The following TTC19 variants were observed in gnomAD, a reference collection of about 807,000 sequenced individuals.
The protein encoded by TTC19 is tetratricopeptide repeat domain 19.
In TTC19, 38 loss-of-function variants were observed where a neutral mutation model predicts 49.5. The ratio of observed to expected loss-of-function variants is 0.77; its 90% CI spans 0.59 to 1.01. The LOEUF (loss-of-function observed/expected upper bound fraction) is 1.01. Ranked by LOEUF, TTC19 falls within the 50% of genes least tolerant of loss-of-function variation. The pLI is 0.00. For synonymous variants in TTC19, 204 were observed against 185.2 expected (o/e 1.10, Z -0.83); for missense variants, 475 against 477.7 (o/e 0.99, Z 0.05).
chr17:16,007,336 TAAC>T (rs1241225340), intron 7 of TTC19, among the ~76,000 whole-genome samples: 2 of 152,100 alleles, frequency 1.3e-5, no homozygotes, highest in Non-Finnish European at 2.9e-5. Context: ...AGTAAGAGAT[TAAC>T]AACAATAACT....
Position 16,027,755 on chromosome 17 carries a change from T to C in TTC19, c.*233T>C, listed in dbSNP as rs1299414530. 8.4e-6 allele frequency: 5 copies of C among 593,868 alleles called. No individual in the cohort carries two copies. Among genetic ancestry groups the C allele is most frequent in the Non-Finnish European group, 1.3e-5 (4 of 316,996 alleles). The allele number at this position is 593,868 out of a possible 1,614,324, so 36.8% of individuals were successfully genotyped here. On this transcript the variant is annotated 3_prime_UTR_variant, in exon 10 of 10. Transcript: ENST00000261647. ...TTTCAGGATGTCGTCAAGTGATGCT[T>C]TCAGTTGTAACACGTGACTTGGTGC...
chr17:16,016,752 T>A (rs535641171), intron 7 of TTC19, among the ~76,000 whole-genome samples: 1 of 152,238 alleles, frequency 6.6e-6, no homozygotes, highest in African/African-American at 2.4e-5. Context: ...GAGATCGGGT[T>A]TCACCATGTT....
At chr17:16,017,952 T>G (rs2151668917) in intron 7 of TTC19, among the ~76,000 whole-genome samples, 1 of 152,184 alleles carries the variant, frequency 6.6e-6, no homozygotes, top group South Asian at 2.1e-4. Flanking sequence ...GTATAAGGAG[T>G]AACCTAAACA....
chr17:16,032,245 C>A, downstream of TTC19: 1 of 1,494,730 alleles, frequency 6.7e-7, no homozygotes, highest in Non-Finnish European at 8.9e-7. Flanking sequence ...AATTAAACCA[C>A]AAAAACTAGA....
rs935889124 is a variant in TTC19 at position 16,027,270 on chromosome 17, C to G, written c.995-104C>G. 49 of 1,358,400 alleles carry G rather than the reference C, an allele frequency of 3.6e-5. No homozygotes were observed. The South Asian group carries it at 5.9e-4, about 16-fold the overall frequency. The allele number at this position is 1,358,400 out of a possible 1,614,324, so 84.1% of individuals were successfully genotyped here. On this transcript the variant is annotated intron_variant, in intron 9 of 9. Coordinates refer to ENST00000261647, the MANE Select transcript of TTC19 (RefSeq NM_017775.4). ...CAGCACCAGCTTGTCGCTTCATAAG[C>G]ACACAGTAAATTAGCCCTATATCTG... is the stretch of plus-strand genomic sequence containing the variant.
chr17:16,019,652 A>G (rs1033008422), intron 7 of TTC19, among the ~76,000 whole-genome samples: 5 of 152,218 alleles, frequency 3.3e-5, no homozygotes, highest in Admixed American at 2.0e-4. Flanking sequence ...TGGTTCCCTC[A>G]CTACAACCAT....
At chr17:16,016,722 T>C (rs1215456616) in intron 7 of TTC19, among the ~76,000 whole-genome samples, 1 of 152,088 alleles carries the variant, frequency 6.6e-6, no homozygotes, top group African/African-American at 2.4e-5. Flanking sequence ...TGCATCTGGC[T>C]AATTTTTGTA....
chr17:16,016,093 T>G (rs1971205466), intron 7 of TTC19, among the ~76,000 whole-genome samples: 1 of 152,238 alleles, frequency 6.6e-6, no homozygotes, highest in African/African-American at 2.4e-5. Flanking sequence ...CCCTTTTTTC[T>G]GGTCCCTTAG....
intron 7 of TTC19, among the ~76,000 whole-genome samples, chr17:16,020,670 T>G (rs2151672867): frequency 6.6e-6 from 1 of 152,012 alleles, no homozygotes; most frequent in South Asian, 2.1e-4. Flanking sequence ...TTTCCCCCAC[T>G]ACCCCCCACC....
intron 7 of TTC19, among the ~76,000 whole-genome samples, chr17:16,016,368 TTTTA>T (rs1971216262): frequency 6.6e-6 from 1 of 152,152 alleles, no homozygotes; most frequent in Non-Finnish European, 1.5e-5. Flanking sequence ...CTGTGCTTGA[TTTTA>T]TTTATTGAGA....
chr17:16,010,036 C>G (rs1971019756), intron 7 of TTC19, among the ~76,000 whole-genome samples: 1 of 151,482 alleles, frequency 6.6e-6, no homozygotes, highest in Admixed American at 6.6e-5. Flanking sequence ...TTATATTTTT[C>G]TTTTTAATTT....
At chr17:16,014,819 T>A (rs1971168277) in intron 7 of TTC19, among the ~76,000 whole-genome samples, 2 of 152,182 alleles carry the variant, frequency 1.3e-5, no homozygotes, top group South Asian at 4.1e-4. Flanking sequence ...TTCCCCACCC[T>A]TTATAAAATT....
intron 2 of TTC19, among the ~76,000 whole-genome samples, chr17:16,001,571 A>G (rs1363234386): frequency 6.6e-6 from 1 of 152,154 alleles, no homozygotes; most frequent in Non-Finnish European, 1.5e-5. Context: ...ATTAGTTGTA[A>G]TTAAGCTTAC....
intron 2 of TTC19, among the ~76,000 whole-genome samples, chr17:16,041,471 TG>T: frequency 7.3e-6 from 1 of 136,308 alleles, no homozygotes; most frequent in African/African-American, 2.8e-5. Flanking sequence ...TGGAGTGCAA[TG>T]GCGTGATCTA....
Position 16,027,876 on chromosome 17 carries a change from GT to G in TTC19, c.*359del, listed in dbSNP as rs1971631402. Reference sequence around the variant, plus strand: ...ATTCAGCCTGGCATTTCTACCATAAGTTTTTGGTCTGCTGATTTGCTGCCCT... The same window carrying G: ...ATTCAGCCTGGCATTTCTACCATAAGTTTTGGTCTGCTGATTTGCTGCCCT... On this transcript the variant is annotated 3_prime_UTR_variant, in exon 10 of 10. Coordinates refer to ENST00000261647, the MANE Select transcript of TTC19 (RefSeq NM_017775.4). 4.3e-6 allele frequency: 2 copies of G among 466,298 alleles called. No individual in the cohort carries two copies. Among genetic ancestry groups the G allele is most frequent in the South Asian group, 1.5e-5 (1 of 64,616 alleles). The allele number at this position is 466,298 out of a possible 1,614,324, so 28.9% of individuals were successfully genotyped here.
At chr17:16,034,809 C>T (rs1401344163) in intron 2 of TTC19, 1 of 1,614,032 alleles carries the variant, frequency 6.2e-7, no homozygotes, top group Non-Finnish European at 8.5e-7. Flanking sequence ...TGGCGTCTGC[C>T]TATGGTAATC....
chr17:16,040,410 G>C, intron 2 of TTC19: 1 of 1,602,782 alleles, frequency 6.2e-7, no homozygotes, highest in Non-Finnish European at 8.5e-7. Context: ...TGCCAATTTT[G>C]TATTGGTAAA....
In TTC19 at chr17:16,028,921, G is replaced by A. The variant is rs1291604692; in HGVS notation, c.*1399G>A. ...GGGATTAGACTAAAACTAGAGTTTT[G>A]TATGTTGCAGATGTAAATTTCTTCC... On this transcript the variant is annotated 3_prime_UTR_variant, in exon 10 of 10. Coordinates refer to ENST00000261647, the MANE Select transcript of TTC19 (RefSeq NM_017775.4). The A allele has an allele frequency of 2.4e-6, 1 of 418,024 alleles. No individual in the cohort carries two copies. The allele number at this position is 418,024 out of a possible 1,614,324, so 25.9% of individuals were successfully genotyped here.
At position 16,002,011 on chromosome 17, in the gene TTC19, T is replaced by TACACTTATGATTTGGTAACTCTTATA; in HGVS notation, c.412_423+14dup. On this transcript the variant is annotated frameshift_variant, in exon 3 of 10. Transcript: ENST00000261647. LOFTEE classifies it high-confidence loss of function. The stretch of plus-strand genomic sequence containing the variant: ...GACTGATAACAAGAAGGCCATCACT[T>TACACTTATGATTTGGTAACTCTTATA]ACACTTATGATTTGGTAACTCTTAT... 6.2e-7 allele frequency: 1 copy of TACACTTATGATTTGGTAACTCTTATA among 1,611,760 alleles called. No individual in the cohort carries two copies.
Sources: gnomAD v4.1 joint callset for allele counts (sites outside exome capture counted in the v4.1 genomes callset) on GRCh38, gnomAD v4.1.1 for gene constraint, MANE v1.5 for transcripts, NCBI Gene and HGNC (gene_info 2026-07-23, HGNC 2026-07-21) for gene names.